Variants in HACE1 observed in about 807,000 individuals in gnomAD.
HACE1 encodes E3 ubiquitin-protein ligase HACE1.
A neutral mutation model predicts 118.4 loss-of-function variants in HACE1; 73 were observed. That is an observed-to-expected ratio of 0.62 (90% CI 0.51 to 0.75). The LOEUF (loss-of-function observed/expected upper bound fraction) is 0.75, where lower values mean the gene tolerates loss of function less well. Among genes scored for constraint, HACE1 ranks in the 30% least tolerant of loss-of-function variants. HACE1 has a pLI of 0.00. For synonymous variants in HACE1, 368 were observed against 374.8 expected, an observed-to-expected ratio of 0.98 and a Z score of 0.21; for missense variants, 749 against 1,102.2, an observed-to-expected ratio of 0.68 and a Z score of 4.54.
At chr6:104,764,917 G>A (rs958245616) in intron 19 of HACE1, among the ~76,000 whole-genome samples, 1 of 152,162 alleles carries the variant, frequency 6.6e-6, no homozygotes, top group African/African-American at 2.4e-5. Context: ...ATGCACAATT[G>A]TGTCTTTACT....
chr6:104,854,106 T>C (rs1776497119), intron 1 of HACE1, among the ~76,000 whole-genome samples: 1 of 152,136 alleles, frequency 6.6e-6, no homozygotes, highest in South Asian at 2.1e-4. Context: ...TTGCCAAAAA[T>C]GCATAACTTC....
chr6:104,779,969 C>T (rs1034441723), intron 14 of HACE1, among the ~76,000 whole-genome samples: 3 of 151,974 alleles, frequency 2.0e-5, no homozygotes, highest in African/African-American at 7.2e-5. Context: ...CCTCACAACA[C>T]TATGAGAAAA....
At chr6:104,758,619 C>T (rs7748020) in intron 19 of HACE1, among the ~76,000 whole-genome samples, 29,443 of 152,090 alleles carry the variant, frequency 0.19, 2,927 homozygotes, top group East Asian at 0.26. Context: ...AGACCATCGA[C>T]GCTATGAAGA....
At chr6:104,801,121 T>C (rs139749028) in intron 7 of HACE1, among the ~76,000 whole-genome samples, 325 of 152,182 alleles carry the variant, frequency 2.1e-3, no homozygotes, top group African/African-American at 7.6e-3. Flanking sequence ...ATATCAGTGA[T>C]TGAAGATCAA....
At chr6:104,805,631 A>G (rs989301001) in intron 7 of HACE1, among the ~76,000 whole-genome samples, 2 of 152,090 alleles carry the variant, frequency 1.3e-5, no homozygotes, top group African/African-American at 4.8e-5. Flanking sequence ...GCATGTTCTC[A>G]CTCATAGGTG....
intron 7 of HACE1, among the ~76,000 whole-genome samples, chr6:104,798,199 T>C (rs904080170): frequency 3.3e-5 from 5 of 151,888 alleles, no homozygotes; most frequent in African/African-American, 1.2e-4. Context: ...TAAGCACAGG[T>C]GAAACTAGAA....
chr6:104,775,525 G>C (rs1478590462), intron 17 of HACE1, among the ~76,000 whole-genome samples: 1 of 152,112 alleles, frequency 6.6e-6, no homozygotes, highest in African/African-American at 2.4e-5. Context: ...AGTAGACTTA[G>C]AATAAAGGAT....
At chr6:104,758,920 G>C (rs1779020960) in intron 19 of HACE1, among the ~76,000 whole-genome samples, 1 of 150,708 alleles carries the variant, frequency 6.6e-6, no homozygotes, top group African/African-American at 2.4e-5. Flanking sequence ...TGATAAAACA[G>C]ACGTTAGACC....
At chr6:104,792,691 C>T (rs1317864046) in intron 10 of HACE1, among the ~76,000 whole-genome samples, 3 of 152,150 alleles carry the variant, frequency 2.0e-5, no homozygotes, top group African/African-American at 7.2e-5. Flanking sequence ...CAACTGTTCT[C>T]ATAAATGCAG....
At chr6:104,843,863 C>T (rs1242085007) in intron 4 of HACE1, among the ~76,000 whole-genome samples, 1 of 151,206 alleles carries the variant, frequency 6.6e-6, no homozygotes, top group African/African-American at 2.4e-5. Context: ...TAAAATTTGC[C>T]ATCATAACTT....
At chr6:104,822,439 G>C (rs2115026842) in intron 6 of HACE1, among the ~76,000 whole-genome samples, 1 of 151,454 alleles carries the variant, frequency 6.6e-6, no homozygotes, top group African/African-American at 2.4e-5. Flanking sequence ...TGTAGCCCTA[G>C]CTACTTGGGA....
At chr6:104,737,054 C>A in intron 22 of HACE1, among the ~76,000 whole-genome samples, 1 of 151,306 alleles carries the variant, frequency 6.6e-6, no homozygotes, top group East Asian at 1.9e-4. Context: ...GAGGCCGAGG[C>A]GGGTGGATCA....
intron 7 of HACE1, among the ~76,000 whole-genome samples, chr6:104,808,514 T>G (rs890740496): frequency 6.6e-6 from 1 of 152,188 alleles, no homozygotes; most frequent in Non-Finnish European, 1.5e-5. Flanking sequence ...CTACACAAAC[T>G]AGGTTCTTTC....
chr6:104,730,949 T>C (rs1353215106), intron 22 of HACE1: 5 of 156,542 alleles, frequency 3.2e-5, no homozygotes, highest in African/African-American at 1.2e-4. Flanking sequence ...GTGGAAAAAC[T>C]GAAAAATTCT....
At chr6:104,734,030 T>C (rs1322465399) in intron 22 of HACE1, among the ~76,000 whole-genome samples, 1 of 149,038 alleles carries the variant, frequency 6.7e-6, no homozygotes, top group Non-Finnish European at 1.5e-5. Flanking sequence ...TAAGCGCCTG[T>C]AATCCCAGCG....
At chr6:104,823,290 T>C (rs1772975104) in intron 6 of HACE1, among the ~76,000 whole-genome samples, 1 of 152,010 alleles carries the variant, frequency 6.6e-6, no homozygotes, top group Admixed American at 6.6e-5. Flanking sequence ...AAAAATTAGT[T>C]GGGCATGGCA....
rs113382352 is a variant in HACE1, at chr6:104,823,115, AT to A, written c.534+9926del. On this transcript the variant is annotated intron_variant, in intron 6 of 23. Transcript: ENST00000262903. The stretch of plus-strand genomic sequence containing the variant: ...TTTAATATATCCTACAAAGACATTA[AT>A]TTTTTTTTAAGAGAGAAAAACACTT... 1.2e-3 allele frequency among the ~76,000 whole-genome samples: 178 copies of A among 151,804 alleles called. 1 individual carries two copies. Among genetic ancestry groups the A allele is most frequent in the East Asian group, 3.3e-3 (17 of 5,154 alleles).
At position 104,729,267 on chromosome 6, in the gene HACE1, C is replaced by T. The variant is rs1774952312; in HGVS notation, c.*395G>A. 1.0e-5 allele frequency: 2 copies of T among 198,882 alleles called. No homozygotes were observed. Among genetic ancestry groups the T allele is most frequent in the East Asian group, 1.3e-4 (1 of 7,480 alleles). 12.3% of individuals were successfully genotyped at this position (198,882 alleles called of 1,614,324 possible). On this transcript the variant is annotated 3_prime_UTR_variant, in exon 24 of 24. Transcript: ENST00000262903. Reference sequence around the variant, plus strand: ...ATGGCAGTTTACATGCAAAAGAACACACCAGCTGGATGACCTCATATAATA... The same window carrying T: ...ATGGCAGTTTACATGCAAAAGAACATACCAGCTGGATGACCTCATATAATA...
intron 11 of HACE1, among the ~76,000 whole-genome samples, chr6:104,788,407 A>G (rs1407546291): frequency 6.6e-6 from 1 of 152,136 alleles, no homozygotes; most frequent in Non-Finnish European, 1.5e-5. Flanking sequence ...ATATTTCAAA[A>G]TATACAATCT....
Sources: gnomAD v4.1 joint callset for allele counts (sites outside exome capture counted in the v4.1 genomes callset) on GRCh38, gnomAD v4.1.1 for gene constraint, MANE v1.5 for transcripts, NCBI Gene and HGNC (gene_info 2026-07-23, HGNC 2026-07-21) for gene names.